NDE1: variants seen among roughly 807,000 people sequenced by gnomAD.
NDE1 encodes the protein nudE neurodevelopment protein 1, also known as nuclear distribution protein nudE homolog 1.
Under a neutral mutation model 43.4 loss-of-function variants are expected in NDE1, and 28 were observed. That is an observed-to-expected ratio of 0.65 (90% confidence interval 0.48 to 0.89). The LOEUF (loss-of-function observed/expected upper bound fraction) is 0.89. Among genes scored for constraint, NDE1 ranks in the 40% least tolerant of loss-of-function variants. NDE1 has a pLI of 0.00. For synonymous variants in NDE1, 184 were observed against 172.0 expected (o/e 1.07, Z -0.55); for missense variants, 441 against 434.1 (o/e 1.02, Z -0.14).
chr16:15,719,184 T>A, intron 8 of NDE1: 1 of 1,599,888 alleles, frequency 6.3e-7, no homozygotes, highest in Non-Finnish European at 8.6e-7. Flanking sequence ...CCCCATCCTC[T>A]GCTTCAGAGC....
At position 15,687,306 on chromosome 16, in the gene NDE1, C is replaced by A. The variant is rs755339655; in HGVS notation, c.387-69C>A. ...AGGTGTGTCTGACCCTTCGCACCTC[C>A]TGGATCCGCGGTGCTGGAGGGATGC... is the stretch of plus-strand genomic sequence containing the variant. On this transcript the variant is annotated intron_variant, in intron 4 of 8. Coordinates refer to ENST00000396354, the MANE Select transcript of NDE1 (RefSeq NM_017668.3). The A allele has an allele frequency of 5.0e-6, 8 of 1,611,534 alleles. No individual in the cohort carries two copies. The African/African-American group carries it at 8.0e-5, about 16-fold the overall frequency.
intron 8 of NDE1, chr16:15,721,458 T>C (rs749606846): frequency 6.2e-7 from 1 of 1,614,212 alleles, no homozygotes; most frequent in Non-Finnish European, 8.5e-7. Context: ...TGACCAGGTC[T>C]TCCATTTCGG....
intron 1 of NDE1, among the ~76,000 whole-genome samples, chr16:15,656,033 G>C (rs1219496687): frequency 4.6e-5 from 7 of 150,732 alleles, no homozygotes; most frequent in Non-Finnish European, 8.9e-5. Flanking sequence ...AATGCTAGAT[G>C]ACGAGTTAGT....
chr16:15,719,142 AAT>A (rs1397884099), intron 8 of NDE1: 1 of 1,442,756 alleles, frequency 6.9e-7, no homozygotes, highest in African/African-American at 1.4e-5. Flanking sequence ...AAATTTAAAA[AAT>A]AAAATGGGGG....
intron 3 of NDE1, 119 bp from the exon 4 acceptor site, chr16:15,677,682 C>T: frequency 1.9e-6 from 2 of 1,074,300 alleles, no homozygotes; most frequent in Admixed American, 1.9e-5. Context: ...CTCCTGGGCT[C>T]AGGCAGTCCT....
chr16:15,647,502 A>C (rs148257994), upstream of NDE1, among the ~76,000 whole-genome samples: 2 of 149,748 alleles, frequency 1.3e-5, no homozygotes, highest in South Asian at 4.2e-4. Flanking sequence ...GTTCAGTTGC[A>C]TGGTCTCCTC....
At chr16:15,645,114 A>G (rs147176099) in intron 1 of NDE1, among the ~76,000 whole-genome samples, 10,511 of 151,930 alleles carry the variant, frequency 0.069, 426 homozygotes, top group Middle Eastern at 0.088. Flanking sequence ...GAGACGGGAT[A>G]TTGCCATGTT....
intron 8 of NDE1, among the ~76,000 whole-genome samples, chr16:15,702,927 C>T (rs1220442762): frequency 6.6e-6 from 1 of 152,104 alleles, no homozygotes; most frequent in Non-Finnish European, 1.5e-5. Flanking sequence ...CCAGTAACCC[C>T]CTTAGACAGT....
At chr16:15,655,821 C>A (rs1467210964) in intron 1 of NDE1, among the ~76,000 whole-genome samples, 2 of 151,196 alleles carry the variant, frequency 1.3e-5, no homozygotes, top group Admixed American at 1.3e-4. Context: ...GAGTTCATGT[C>A]CTTTGTAGGG....
chr16:15,652,738 A>G (rs1228489509), intron 1 of NDE1, among the ~76,000 whole-genome samples: 1 of 152,124 alleles, frequency 6.6e-6, no homozygotes, highest in Admixed American at 6.5e-5. Flanking sequence ...ATCACAGCTC[A>G]CTGCAGTCTC....
intron 8 of NDE1, chr16:15,708,666 T>G (rs1446735870): frequency 6.7e-6 from 6 of 893,904 alleles, no homozygotes; most frequent in African/African-American, 6.6e-5. Flanking sequence ...CACAAAGATA[T>G]CCAAGCCTCC....
intron 5 of NDE1, among the ~76,000 whole-genome samples, chr16:15,690,505 G>A (rs11863137): frequency 0.027 from 4,083 of 151,640 alleles, 187 homozygotes; most frequent in African/African-American, 0.095. Context: ...TTACAGGCAT[G>A]AGTCACTGCT....
At chr16:15,681,189 T>C (rs1252944665) in intron 4 of NDE1, among the ~76,000 whole-genome samples, 1 of 149,080 alleles carries the variant, frequency 6.7e-6, no homozygotes, top group Admixed American at 6.9e-5. Context: ...AAGATACAAG[T>C]TCAATTTTAT....
At chr16:15,687,334 C>T (rs760565438) in intron 4 of NDE1, 41 bp from the exon 5 acceptor site, 10 of 1,613,490 alleles carry the variant, frequency 6.2e-6, no homozygotes, top group East Asian at 4.5e-5. Context: ...AGGGATGCTG[C>T]GGTTTGTCCT....
intron 7 of NDE1, among the ~76,000 whole-genome samples, chr16:15,696,386 CAAAA>C (rs5815840): frequency 6.9e-6 from 1 of 145,780 alleles, no homozygotes; most frequent in African/African-American, 2.6e-5. Context: ...AAAAACAAAA[CAAAA>C]AAAAAAACTG....
At chr16:15,688,707 T>TTTTTTTTG in intron 5 of NDE1, among the ~76,000 whole-genome samples, 1 of 114,836 alleles carries the variant, frequency 8.7e-6, no homozygotes, top group Non-Finnish European at 1.8e-5. Flanking sequence ...TTTTTTTTTT[T>TTTTTTTTG]TTTTTTTTTG....
intron 3 of NDE1, among the ~76,000 whole-genome samples, chr16:15,670,688 G>T (rs922446990): frequency 6.6e-6 from 1 of 151,610 alleles, no homozygotes; most frequent in Non-Finnish European, 1.5e-5. Context: ...AAAAAGAAAG[G>T]ACTGCATGGG....
At chr16:15,717,313 G>T in intron 8 of NDE1, 1 of 1,611,334 alleles carries the variant, frequency 6.2e-7, no homozygotes, top group South Asian at 1.1e-5. Context: ...GGGCCGTGCT[G>T]CGCTCTGTGG....
At chr16:15,707,183 C>G (rs920582758) in intron 8 of NDE1, among the ~76,000 whole-genome samples, 1 of 152,152 alleles carries the variant, frequency 6.6e-6, no homozygotes, top group Non-Finnish European at 1.5e-5. Flanking sequence ...GGACTACAGA[C>G]ATGCCACCAC....
Sources: allele counts gnomAD v4.1 joint callset (sites outside exome capture counted in the v4.1 genomes callset), GRCh38; gene constraint gnomAD v4.1.1; transcripts MANE v1.5; gene names NCBI Gene and HGNC (gene_info 2026-07-23, HGNC 2026-07-21).